Variants in GALNT18 observed in about 807,000 individuals in gnomAD.
GALNT18 encodes polypeptide N-acetylgalactosaminyltransferase 18.
In GALNT18, 44 loss-of-function variants were observed where a neutral mutation model predicts 69.5. That is an observed-to-expected ratio of 0.63 (90% confidence interval 0.50 to 0.81). The LOEUF (loss-of-function observed/expected upper bound fraction) is 0.81. GALNT18 is among the 40% of genes least tolerant of loss of function. GALNT18 has a pLI of 0.00. For synonymous variants in GALNT18, 364 were observed against 318.2 expected, an observed-to-expected ratio of 1.14 and a Z score of -1.53; for missense variants, 715 against 810.0, an observed-to-expected ratio of 0.88 and a Z score of 1.42.
chr11:11,294,327 C>G (rs777919545), intron 9 of GALNT18, among the ~76,000 whole-genome samples: 1 of 152,166 alleles, frequency 6.6e-6, no homozygotes, highest in African/African-American at 2.4e-5. Context: ...TGGGGGCTGT[C>G]ACATAGGCAG....
intron 1 of GALNT18, among the ~76,000 whole-genome samples, chr11:11,474,503 A>C (rs10741550): frequency 0.3 from 45,921 of 152,162 alleles, 7,385 homozygotes; most frequent in African/African-American, 0.42. Flanking sequence ...AATCCGATTA[A>C]CATAATTGAA....
At chr11:11,433,620 G>A (rs1437637443) in intron 2 of GALNT18, among the ~76,000 whole-genome samples, 1 of 152,200 alleles carries the variant, frequency 6.6e-6, no homozygotes, top group Non-Finnish European at 1.5e-5. Flanking sequence ...AGGACTTGAG[G>A]TATTCCCCAC....
chr11:11,359,664 G>A (rs934794264), intron 6 of GALNT18, among the ~76,000 whole-genome samples: 1 of 152,230 alleles, frequency 6.6e-6, no homozygotes, highest in Non-Finnish European at 1.5e-5. Context: ...CAGCACTCCT[G>A]AGAGATGTGG....
At position 11,337,585 on chromosome 11, in the gene GALNT18, G is replaced by T. The variant is rs1850134903; in HGVS notation, c.1278+3234C>A. Among the ~76,000 whole-genome samples, 1 of 152,184 alleles carries T rather than the reference G, an allele frequency of 6.6e-6. No homozygotes were observed. The highest frequency in any genetic ancestry group is 1.5e-5 in the Non-Finnish European group (1 of 68,040). On this transcript the variant is annotated intron_variant, in intron 7 of 10. Coordinates refer to ENST00000227756, the MANE Select transcript of GALNT18 (RefSeq NM_198516.3). The surrounding 1 kb of genome is among the most constrained non-coding windows in gnomAD (Gnocchi z 4.9). ...CAGGCTGGTCATGCAATGACAGAGA[G>T]ATATTTAGGAGGGGGAGCTCTTCCC...
chr11:11,294,022 G>A (rs1004094031), intron 9 of GALNT18, among the ~76,000 whole-genome samples: 32 of 152,276 alleles, frequency 2.1e-4, no homozygotes, highest in Admixed American at 5.9e-4. Flanking sequence ...GGGTGTGCTG[G>A]GGAGTCCCCA....
chr11:11,572,807 C>T (rs1042114947), intron 1 of GALNT18, among the ~76,000 whole-genome samples: 2 of 152,186 alleles, frequency 1.3e-5, no homozygotes, highest in African/African-American at 4.8e-5. Context: ...AAGAAAAACA[C>T]AATGGCAGTA....
At chr11:11,517,908 T>C (rs1170820606) in intron 1 of GALNT18, among the ~76,000 whole-genome samples, 1 of 152,232 alleles carries the variant, frequency 6.6e-6, no homozygotes, top group Non-Finnish European at 1.5e-5. Context: ...TTTCCCATTA[T>C]TACCAGCTTC....
intron 1 of GALNT18, among the ~76,000 whole-genome samples, chr11:11,560,139 T>C (rs1352798840): frequency 1.6e-4 from 24 of 146,662 alleles, no homozygotes; most frequent in African/African-American, 5.7e-4. Flanking sequence ...TGGGATAGAA[T>C]AGAATGGGAT....
In GALNT18 at chr11:11,595,493, G is replaced by A. The variant is rs528463946; in HGVS notation, c.235+25866C>T. ...ACCCAGTTTTGTTTATTTTGTTATG[G>A]CAGCCGAGATGAACTAAGACACATT... On this transcript the variant is annotated intron_variant, in intron 1 of 10. Transcript: ENST00000227756. The surrounding 1 kb of genome is among the most constrained non-coding windows in gnomAD (Gnocchi z 5.2). Among the ~76,000 whole-genome samples the A allele has an allele frequency of 6.6e-6, 1 of 152,156 alleles. No homozygotes were observed. The highest frequency in any genetic ancestry group is 2.1e-4 in the South Asian group (1 of 4,814).
chr11:11,516,772 G>C (rs184935408), intron 1 of GALNT18, among the ~76,000 whole-genome samples: 4 of 152,202 alleles, frequency 2.6e-5, no homozygotes, highest in Non-Finnish European at 5.9e-5. Context: ...CACATAGTAG[G>C]TTCTCTACTA....
intron 2 of GALNT18, among the ~76,000 whole-genome samples, chr11:11,434,387 T>C (rs11021851): frequency 0.74 from 112,743 of 152,128 alleles, 43,441 homozygotes; most frequent in Non-Finnish European, 0.85. Context: ...ACTAGGCAGG[T>C]AGTGCTACAG....
chr11:11,442,952 G>A (rs1855565845), intron 2 of GALNT18, among the ~76,000 whole-genome samples: 1 of 152,204 alleles, frequency 6.6e-6, no homozygotes, highest in South Asian at 2.1e-4. Context: ...GTGCGTGCCA[G>A]AGGCTCTGCC....
rs1406364138 is a variant in GALNT18, at chr11:11,387,712, T to C, written c.596-8448A>G. On this transcript the variant is annotated intron_variant, in intron 3 of 10. Coordinates refer to ENST00000227756, the MANE Select transcript of GALNT18 (RefSeq NM_198516.3). The surrounding 1 kb of genome is among the most constrained non-coding windows in gnomAD (Gnocchi z 4.6). ...AGCTGATCATCCACATCACATCACATGGGAAGCTAAAAATTAAATAAAGAC... is the reference window on the plus strand; with the variant it reads ...AGCTGATCATCCACATCACATCACACGGGAAGCTAAAAATTAAATAAAGAC... 2.0e-5 allele frequency among the ~76,000 whole-genome samples: 3 copies of C among 152,148 alleles called. No homozygotes were observed. The highest frequency in any genetic ancestry group is 4.4e-5 in the Non-Finnish European group (3 of 68,036).
At chr11:11,502,044 TGCC>T (rs1253857298) in intron 1 of GALNT18, among the ~76,000 whole-genome samples, 4 of 152,204 alleles carry the variant, frequency 2.6e-5, no homozygotes, top group Non-Finnish European at 5.9e-5. Flanking sequence ...CCTTCAATGT[TGCC>T]AAATGCCTGT....
At chr11:11,378,933 G>T in intron 4 of GALNT18, 148 bp downstream of exon 4, 1 of 760,634 alleles carries the variant, frequency 1.3e-6, no homozygotes, top group Non-Finnish European at 2.0e-6. Flanking sequence ...CTTGTTGCCT[G>T]GCTCACTCAC....
intron 1 of GALNT18, among the ~76,000 whole-genome samples, chr11:11,535,799 C>G (rs999642573): frequency 6.6e-6 from 1 of 152,204 alleles, no homozygotes; most frequent in Non-Finnish European, 1.5e-5. Context: ...TCCCACCTTC[C>G]TCCTGCATCT....
chr11:11,441,553 T>G (rs537270869), intron 2 of GALNT18, among the ~76,000 whole-genome samples: 1 of 152,142 alleles, frequency 6.6e-6, no homozygotes, highest in African/African-American at 2.4e-5. Flanking sequence ...TTGAACAAAT[T>G]TCCTAACCTT....
chr11:11,352,474 A>T, intron 6 of GALNT18: 1 of 1,614,134 alleles, frequency 6.2e-7, no homozygotes, highest in South Asian at 1.1e-5. Context: ...CCCAATCTCC[A>T]CATATCCAAA....
chr11:11,280,488 G>T (rs747166200), intron 10 of GALNT18, among the ~76,000 whole-genome samples: 1 of 151,854 alleles, frequency 6.6e-6, no homozygotes, highest in African/African-American at 2.4e-5. Context: ...CTTCCACTGC[G>T]CTAAAATCCT....
Sources: gnomAD v4.1 joint callset for allele counts (sites outside exome capture counted in the v4.1 genomes callset) on GRCh38, gnomAD v4.1.1 for gene constraint, Gnocchi (gnomAD v3.1) non-coding constraint, MANE v1.5 for transcripts, NCBI Gene and HGNC (gene_info 2026-07-23, HGNC 2026-07-21) for gene names.